The following PRH1 variants were observed in gnomAD, a reference collection of about 807,000 sequenced individuals.
PRH1 encodes salivary acidic proline-rich phosphoprotein 1/2.
Under a neutral mutation model 7.9 loss-of-function variants are expected in PRH1, and 7 were observed. That is an observed-to-expected ratio of 0.89 (90% CI 0.50 to 1.67). The LOEUF (loss-of-function observed/expected upper bound fraction) is 1.67. Among genes scored for constraint, PRH1 ranks in the 40% most tolerant of loss-of-function variants. The probability of loss-of-function intolerance (pLI) is 0.00; values close to 1 mark genes in which losing one functional copy is unlikely to be tolerated. For missense variants in PRH1, 109 were observed against 223.6 expected (o/e 0.49, Z 3.27); for synonymous variants, 45 against 80.8 (o/e 0.56, Z 2.38).
chr12:10,997,907 G>T, intron 1 of PRH1: 1 of 1,478,634 alleles, frequency 6.8e-7, no homozygotes, highest in Non-Finnish European at 9.1e-7. Context: ...AAAAATTCAG[G>T]CCTAATGTCA....
At chr12:10,931,056 T>G (rs1310264964) in intron 2 of PRH1, 2 of 1,580,800 alleles carry the variant, frequency 1.3e-6, no homozygotes, top group Non-Finnish European at 1.7e-6. Context: ...GGCAGTCTCC[T>G]CAGTAATCTA....
At chr12:11,109,822 T>C (rs923647209) in intron 1 of PRH1, among the ~76,000 whole-genome samples, 2 of 152,084 alleles carry the variant, frequency 1.3e-5, no homozygotes, top group Admixed American at 6.6e-5. Context: ...GAGAATGAGT[T>C]TGATGAATTG....
chr12:11,068,124 C>T (rs902866707), intron 1 of PRH1, among the ~76,000 whole-genome samples: 5 of 151,858 alleles, frequency 3.3e-5, no homozygotes, highest in Admixed American at 2.6e-4. Flanking sequence ...ATCGATGTTA[C>T]CACACCTTGG....
chr12:11,002,559 C>G (rs1940643699), intron 1 of PRH1, among the ~76,000 whole-genome samples: 1 of 151,978 alleles, frequency 6.6e-6, no homozygotes, highest in South Asian at 2.1e-4. Context: ...TATACAAATC[C>G]TCTATACAAT....
intron 2 of PRH1, among the ~76,000 whole-genome samples, chr12:10,897,747 C>G (rs1227476875): frequency 6.6e-6 from 1 of 152,144 alleles, no homozygotes; most frequent in Non-Finnish European, 1.5e-5. Context: ...ACAACCAAAT[C>G]TTGTGATAAC....
At chr12:11,136,670 T>C (rs922542176) in intron 1 of PRH1, among the ~76,000 whole-genome samples, 4 of 152,222 alleles carry the variant, frequency 2.6e-5, no homozygotes, top group African/African-American at 7.2e-5. Flanking sequence ...TTTACAATTA[T>C]GCACATATTT....
intron 2 of PRH1, among the ~76,000 whole-genome samples, chr12:10,957,257 G>A (rs1938013395): frequency 6.6e-6 from 1 of 151,884 alleles, no homozygotes; most frequent in Non-Finnish European, 1.5e-5. Context: ...GAGAAATAAT[G>A]CCACCCACCT....
intron 1 of PRH1, among the ~76,000 whole-genome samples, chr12:11,167,413 C>T (rs61928613): frequency 6.6e-6 from 1 of 151,186 alleles, no homozygotes; most frequent in East Asian, 1.9e-4. Context: ...ACAGATGAAA[C>T]AATTCATGTC....
intron 2 of PRH1, among the ~76,000 whole-genome samples, chr12:10,894,001 G>C (rs974818150): frequency 6.6e-6 from 1 of 151,828 alleles, no homozygotes; most frequent in Non-Finnish European, 1.5e-5. Flanking sequence ...AAACTGATTG[G>C]TTATCCCTGA....
intron 2 of PRH1, chr12:10,965,197 T>C (rs11054096): frequency 0.26 from 380,419 of 1,473,680 alleles, 50,055 homozygotes; most frequent in Non-Finnish European, 0.26. Flanking sequence ...CTCTGGAGAC[T>C]GCCAGAGCAG....
intron 1 of PRH1, among the ~76,000 whole-genome samples, chr12:11,123,812 A>T (rs1043939235): frequency 1.3e-5 from 2 of 152,262 alleles, no homozygotes; most frequent in Middle Eastern, 6.8e-3. Flanking sequence ...TGTCTATTGG[A>T]TTCTCAATAT....
chr12:10,993,887 C>A (rs1262580420), intron 1 of PRH1, among the ~76,000 whole-genome samples: 1 of 152,190 alleles, frequency 6.6e-6, no homozygotes, highest in Admixed American at 6.5e-5. Flanking sequence ...GAGGGGAGAG[C>A]AAACCCCTAG....
At chr12:11,127,645 A>G (rs1946180559) in intron 1 of PRH1, among the ~76,000 whole-genome samples, 1 of 152,144 alleles carries the variant, frequency 6.6e-6, no homozygotes, top group African/African-American at 2.4e-5. Flanking sequence ...CACACCCCTC[A>G]TGGTTTGGAA....
At chr12:11,073,669 G>C (rs117372023) in intron 1 of PRH1, among the ~76,000 whole-genome samples, 1 of 151,922 alleles carries the variant, frequency 6.6e-6, no homozygotes, top group Non-Finnish European at 1.5e-5. Context: ...GTGGTTTCAA[G>C]TGGAATCCAG....
chr12:11,106,190 T>G (rs1945408914), intron 1 of PRH1, among the ~76,000 whole-genome samples: 1 of 46,936 alleles, frequency 2.1e-5, no homozygotes, highest in African/African-American at 6.0e-5. Flanking sequence ...TCCGCCCGCC[T>G]CGGCCTCCCA....
chr12:11,055,355 T>C (rs1048325790), intron 1 of PRH1, among the ~76,000 whole-genome samples: 4 of 151,408 alleles, frequency 2.6e-5, no homozygotes, highest in Non-Finnish European at 5.9e-5. Context: ...AAACATACCA[T>C]GTCTGAATTT....
intron 1 of PRH1, among the ~76,000 whole-genome samples, chr12:11,019,426 G>A (rs2136063909): frequency 6.6e-6 from 1 of 152,398 alleles, no homozygotes; most frequent in East Asian, 1.9e-4. Context: ...TGTCATCACT[G>A]TAAACTCAGA....
chr12:10,948,389 G>A (rs1039127604), intron 2 of PRH1, among the ~76,000 whole-genome samples: 10 of 152,226 alleles, frequency 6.6e-5, no homozygotes, highest in African/African-American at 2.4e-4. Flanking sequence ...TTCAAGTTCT[G>A]AAACTCTTCC....
intron 1 of PRH1, among the ~76,000 whole-genome samples, chr12:11,103,841 T>A (rs1482713404): frequency 1.7e-5 from 2 of 119,552 alleles, no homozygotes; most frequent in Non-Finnish European, 2.0e-5. Context: ...CTGTTTATTG[T>A]ATTTTAACAC....
Sources: allele counts gnomAD v4.1 joint callset (sites outside exome capture counted in the v4.1 genomes callset), GRCh38; gene constraint gnomAD v4.1.1; transcripts MANE v1.5; gene names NCBI Gene and HGNC (gene_info 2026-07-23, HGNC 2026-07-21).